SPRR2G: variants seen among roughly 807,000 people sequenced by gnomAD.
SPRR2G encodes the protein small proline-rich protein 2G.
In SPRR2G, 1 loss-of-function variant was observed where a neutral mutation model predicts 0.7. The observed-to-expected ratio is 1.49, with a 90% CI of 0.53 to 7.06. SPRR2G has a LOEUF of 7.06. Among genes scored for constraint, SPRR2G ranks in the 30% most tolerant of loss-of-function variants. The pLI is 0.14. For synonymous variants in SPRR2G, 38 were observed against 33.9 expected (o/e 1.12, Z -0.42); for missense variants, 96 against 88.5 (o/e 1.09, Z -0.34).
the SPRR2G span, among the ~76,000 whole-genome samples, chr1:153,179,661 C>T: frequency 6.6e-6 from 1 of 152,084 alleles, no homozygotes; most frequent in Non-Finnish European, 1.5e-5. Context: ...TCACCTCCCA[C>T]ATACTACTTC....
the SPRR2G span, among the ~76,000 whole-genome samples, chr1:153,183,631 A>C: frequency 3.0e-3 from 460 of 152,190 alleles, 2 homozygotes; most frequent in African/African-American, 9.8e-3. Flanking sequence ...CCTTTGTCAG[A>C]TGGATAGATT....
At chr1:153,177,044 A>G in the SPRR2G span, among the ~76,000 whole-genome samples, 1 of 152,124 alleles carries the variant, frequency 6.6e-6, no homozygotes, top group Non-Finnish European at 1.5e-5. Context: ...CTTATTCTGC[A>G]TTTCCCTGAC....
At chr1:153,162,194 T>G in the SPRR2G span, among the ~76,000 whole-genome samples, 2 of 152,302 alleles carry the variant, frequency 1.3e-5, no homozygotes, top group Non-Finnish European at 1.5e-5. Context: ...GTGTGTGTTG[T>G]TCCCCTCTAT....
At chr1:153,164,621 C>T in the SPRR2G span, among the ~76,000 whole-genome samples, 1 of 152,132 alleles carries the variant, frequency 6.6e-6, no homozygotes, top group Non-Finnish European at 1.5e-5. Flanking sequence ...TTGTATATAA[C>T]CTATATACAT....
At chr1:153,193,823 T>C in the SPRR2G span, among the ~76,000 whole-genome samples, 3 of 152,158 alleles carry the variant, frequency 2.0e-5, no homozygotes, top group East Asian at 5.8e-4. Flanking sequence ...CTCCCACATC[T>C]CCATCCAGGG....
upstream of SPRR2G, among the ~76,000 whole-genome samples, chr1:153,152,751 G>A (rs543427960): frequency 1.3e-5 from 2 of 152,172 alleles, no homozygotes; most frequent in Non-Finnish European, 2.9e-5. Flanking sequence ...CATAGCTGAT[G>A]CATGCTGAAG....
chr1:153,154,603 T>A, upstream of SPRR2G, among the ~76,000 whole-genome samples: 1 of 152,166 alleles, frequency 6.6e-6, no homozygotes, highest in East Asian at 1.9e-4. Context: ...TTCTAGTAAT[T>A]TATCAATTTC....
the SPRR2G span, among the ~76,000 whole-genome samples, chr1:153,163,703 G>A: frequency 1.2e-4 from 18 of 152,064 alleles, no homozygotes; most frequent in African/African-American, 3.9e-4. Flanking sequence ...TTCCTTTCCC[G>A]AGTCTTCACC....
At chr1:153,177,353 A>C in the SPRR2G span, among the ~76,000 whole-genome samples, 15 of 152,294 alleles carry the variant, frequency 9.8e-5, no homozygotes, top group Admixed American at 8.5e-4. Flanking sequence ...TTTCTCTTAA[A>C]TGAATATTTA....
At chr1:153,185,994 G>A in the SPRR2G span, among the ~76,000 whole-genome samples, 2 of 152,174 alleles carry the variant, frequency 1.3e-5, no homozygotes, top group Non-Finnish European at 2.9e-5. Flanking sequence ...TCAGGGGCAG[G>A]TTGTTCAGTT....
upstream of SPRR2G, among the ~76,000 whole-genome samples, chr1:153,154,537 A>G (rs911840196): frequency 4.6e-5 from 7 of 152,020 alleles, no homozygotes; most frequent in Non-Finnish European, 7.4e-5. Context: ...CTTACTCGTT[A>G]TTGGTCTGTC....
chr1:153,159,829 G>T, the SPRR2G span, among the ~76,000 whole-genome samples: 1 of 152,096 alleles, frequency 6.6e-6, no homozygotes, highest in Non-Finnish European at 1.5e-5. Flanking sequence ...ATAAGAACTC[G>T]CACACTATCA....
the SPRR2G span, among the ~76,000 whole-genome samples, chr1:153,164,223 C>T: frequency 0.51 from 76,913 of 152,074 alleles, 20,027 homozygotes; most frequent in East Asian, 0.64. Context: ...TGGAGATTAT[C>T]TAAGTGCCCT....
At chr1:153,175,564 G>A in the SPRR2G span, among the ~76,000 whole-genome samples, 1 of 152,142 alleles carries the variant, frequency 6.6e-6, no homozygotes, top group Non-Finnish European at 1.5e-5. Flanking sequence ...CAAGGTTCAG[G>A]CAAACTCTCA....
the SPRR2G span, among the ~76,000 whole-genome samples, chr1:153,195,394 T>C: frequency 2.0e-5 from 3 of 152,316 alleles, no homozygotes; most frequent in East Asian, 5.8e-4. Flanking sequence ...GTTTCGGTCT[T>C]CTTTGGTAAA....
the SPRR2G span, among the ~76,000 whole-genome samples, chr1:153,158,369 T>C: frequency 1.3e-5 from 2 of 152,228 alleles, no homozygotes; most frequent in Admixed American, 6.5e-5. Flanking sequence ...GTCTGAAACC[T>C]AGCTGGACAG....
At position 153,149,724 on chromosome 1, in the gene SPRR2G, T is replaced by G; in HGVS notation, c.*165A>C. The G allele has an allele frequency of 4.7e-6, 4 of 847,494 alleles. No homozygotes were observed. The highest frequency in any genetic ancestry group is 3.7e-6 in the Non-Finnish European group (2 of 540,170). The allele number at this position is 847,494 out of a possible 1,614,324, so 52.5% of individuals were successfully genotyped here. ...TCTGGCTGCTCATCTTCCAACAACA[T>G]ATCGGTTTTCAGAACTAAGCCTTTT... On this transcript the variant is annotated 3_prime_UTR_variant, in exon 2 of 2. Coordinates refer to ENST00000368748, the MANE Select transcript of SPRR2G (RefSeq NM_001014291.4).
the SPRR2G span, chr1:153,176,402 G>C: frequency 1.3e-5 from 2 of 152,110 alleles, no homozygotes; most frequent in African/African-American, 2.4e-5. Flanking sequence ...TGTCCAAGGT[G>C]CTCTTGTCCT....
the SPRR2G span, among the ~76,000 whole-genome samples, chr1:153,189,572 A>G: frequency 2.6e-5 from 4 of 152,066 alleles, no homozygotes; most frequent in Admixed American, 2.0e-4. Context: ...CCATCTTTTT[A>G]TATGTAAGTA....
Sources: gnomAD v4.1 joint callset for allele counts (sites outside exome capture counted in the v4.1 genomes callset) on GRCh38, gnomAD v4.1.1 for gene constraint, MANE v1.5 for transcripts, NCBI Gene and HGNC (gene_info 2026-07-23, HGNC 2026-07-21) for gene names.